Variants in CLASP1 observed in about 807,000 individuals in gnomAD.
CLASP1 encodes the protein CLIP-associating protein 1.
In CLASP1, 38 loss-of-function variants were observed where a neutral mutation model predicts 192.3. The ratio of observed to expected loss-of-function variants is 0.20; its 90% CI spans 0.15 to 0.26. The LOEUF is 0.26. Among genes scored for constraint, CLASP1 ranks in the 10% least tolerant of loss-of-function variants. The pLI is 1.00. For missense variants in CLASP1, 1,433 were observed against 1,932.5 expected, an observed-to-expected ratio of 0.74 and a Z score of 4.85; for synonymous variants, 691 against 712.8, an observed-to-expected ratio of 0.97 and a Z score of 0.49.
chr2:121,539,422 C>T (rs543321641), intron 2 of CLASP1, among the ~76,000 whole-genome samples: 2 of 152,326 alleles, frequency 1.3e-5, no homozygotes, highest in East Asian at 3.9e-4. Flanking sequence ...ATTGATGCCC[C>T]TGGATCAACT....
At chr2:121,574,221 G>T (rs530180351) in intron 2 of CLASP1, among the ~76,000 whole-genome samples, 38 of 152,086 alleles carry the variant, frequency 2.5e-4, no homozygotes, top group South Asian at 4.2e-4. Context: ...CCAGTTACTC[G>T]GGAGGCTGAG....
At chr2:121,437,016 C>T (rs1428502839) in intron 19 of CLASP1, among the ~76,000 whole-genome samples, 1 of 152,054 alleles carries the variant, frequency 6.6e-6, no homozygotes, top group African/African-American at 2.4e-5. Flanking sequence ...GACTGGAGTA[C>T]AGCGGTTATG....
chr2:121,467,333 G>T (rs2089807688), intron 9 of CLASP1, among the ~76,000 whole-genome samples: 1 of 152,184 alleles, frequency 6.6e-6, no homozygotes. Context: ...CCAATAATGG[G>T]ACTGCTAGGT....
At chr2:121,341,215 ACTAGGT>A (rs1184600535) in intron 39 of CLASP1, among the ~76,000 whole-genome samples, 1 of 152,212 alleles carries the variant, frequency 6.6e-6, no homozygotes, top group East Asian at 1.9e-4. Context: ...AGGTGTCACA[ACTAGGT>A]GGGCCGCAGC....
intron 8 of CLASP1, among the ~76,000 whole-genome samples, chr2:121,473,797 G>C (rs147105542): frequency 6.6e-6 from 1 of 152,226 alleles, no homozygotes; most frequent in African/African-American, 2.4e-5. Context: ...AGAACACAAT[G>C]GAAATGATGC....
At chr2:121,403,382 A>T (rs1484811456) in intron 26 of CLASP1, 1 of 456,434 alleles carries the variant, frequency 2.2e-6, no homozygotes, top group Non-Finnish European at 4.4e-6. Flanking sequence ...GGGTGGATGG[A>T]TGTTTGATAT....
At chr2:121,474,694 T>A (rs1043043918) in intron 8 of CLASP1, among the ~76,000 whole-genome samples, 2 of 152,052 alleles carry the variant, frequency 1.3e-5, no homozygotes, top group Non-Finnish European at 2.9e-5. Context: ...CAAGATCGCA[T>A]CACTGCCCTC....
At chr2:121,531,203 A>T (rs1265245092) in intron 2 of CLASP1, among the ~76,000 whole-genome samples, 1 of 152,144 alleles carries the variant, frequency 6.6e-6, no homozygotes, top group Non-Finnish European at 1.5e-5. Context: ...TACGCCGATC[A>T]TCAACTGTTC....
At chr2:121,628,183 AAGAG>A (rs1413157969) in intron 1 of CLASP1, among the ~76,000 whole-genome samples, 1 of 152,218 alleles carries the variant, frequency 6.6e-6, no homozygotes, top group Non-Finnish European at 1.5e-5. Flanking sequence ...AAAGCGCAAA[AAGAG>A]AGCTGTGCCT....
intron 2 of CLASP1, among the ~76,000 whole-genome samples, chr2:121,562,575 A>G (rs1247963858): frequency 6.6e-6 from 1 of 152,230 alleles, no homozygotes; most frequent in Non-Finnish European, 1.5e-5. Flanking sequence ...AGAATACTGA[A>G]CAGCTCTTCT....
At chr2:121,629,335 A>T in intron 1 of CLASP1, among the ~76,000 whole-genome samples, 1 of 152,070 alleles carries the variant, frequency 6.6e-6, no homozygotes, top group East Asian at 1.9e-4. Flanking sequence ...GCTTGCAGTG[A>T]TCTGAGATCG....
At chr2:121,462,893 T>G (rs1277869562) in intron 9 of CLASP1, among the ~76,000 whole-genome samples, 2 of 152,152 alleles carry the variant, frequency 1.3e-5, no homozygotes, top group African/African-American at 4.8e-5. Flanking sequence ...GATATTGTAT[T>G]AACATACAAG....
At chr2:121,617,125 C>A (rs548675326) in intron 1 of CLASP1, among the ~76,000 whole-genome samples, 9 of 152,306 alleles carry the variant, frequency 5.9e-5, no homozygotes, top group African/African-American at 1.9e-4. Flanking sequence ...GGGGCAGCCC[C>A]AGCTTTCATT....
rs558627847 is a variant in CLASP1 at position 121,435,954 on chromosome 2, G to A, written c.1913-5777C>T. On this transcript the variant is annotated intron_variant, in intron 19 of 39. Coordinates refer to ENST00000263710, the Ensembl canonical transcript of CLASP1. ...CTATTCAGATTTCCCTGTTTTCTTTGCAGTTAATCTTTGGCTTTCCTTTGT... is the reference window on the plus strand; with the variant it reads ...CTATTCAGATTTCCCTGTTTTCTTTACAGTTAATCTTTGGCTTTCCTTTGT... Among the ~76,000 whole-genome samples, 6 of 152,034 alleles carry A rather than the reference G, an allele frequency of 3.9e-5. No individual in the cohort carries two copies. In the South Asian group the frequency reaches 1.2e-3, roughly 32 times the overall value.
At chr2:121,346,021 C>T (rs983453822) in intron 39 of CLASP1, among the ~76,000 whole-genome samples, 4 of 152,240 alleles carry the variant, frequency 2.6e-5, no homozygotes, top group Non-Finnish European at 4.4e-5. Context: ...TTCCCCAGAA[C>T]TCTGGAGAAA....
chr2:121,584,999 T>TA (rs1375378337), intron 2 of CLASP1, among the ~76,000 whole-genome samples: 1 of 151,132 alleles, frequency 6.6e-6, no homozygotes, highest in East Asian at 2.0e-4. Flanking sequence ...TGTCAGCACT[T>TA]ACGATACGTC....
chr2:121,549,036 A>G (rs2057749815), intron 2 of CLASP1, among the ~76,000 whole-genome samples: 1 of 152,356 alleles, frequency 6.6e-6, no homozygotes, highest in East Asian at 1.9e-4. Context: ...CAAACAAGAC[A>G]GCATAATAAC....
intron 2 of CLASP1, among the ~76,000 whole-genome samples, chr2:121,590,961 G>A (rs1047430391): frequency 4.0e-5 from 6 of 150,432 alleles, no homozygotes; most frequent in African/African-American, 1.5e-4. Flanking sequence ...TCCGCCTCCC[G>A]GGTTCAAGCG....
At chr2:121,384,145 TAC>T (rs1253822484) in intron 32 of CLASP1, among the ~76,000 whole-genome samples, 15 of 133,596 alleles carry the variant, frequency 1.1e-4, no homozygotes, top group East Asian at 4.0e-4. Flanking sequence ...TATATATATA[TAC>T]ACACACACAC....
Sources: allele counts gnomAD v4.1 joint callset (sites outside exome capture counted in the v4.1 genomes callset), GRCh38; gene constraint gnomAD v4.1.1; transcripts MANE v1.5; gene names NCBI Gene and HGNC (gene_info 2026-07-23, HGNC 2026-07-21).